Variants in MAOB observed in about 807,000 individuals in gnomAD.
MAOB encodes amine oxidase [flavin-containing] B.
Under a neutral mutation model 41.9 loss-of-function variants are expected in MAOB, and 15 were observed. That is an observed-to-expected ratio of 0.36 (90% CI 0.24 to 0.55). MAOB has a LOEUF of 0.55. Ranked by LOEUF, MAOB falls within the 20% of genes least tolerant of loss-of-function variation. The pLI, the probability that MAOB is intolerant of heterozygous loss-of-function variation, is 0.86. For synonymous variants in MAOB, 167 were observed against 144.2 expected (o/e 1.16, Z -1.13); for missense variants, 345 against 398.7 (o/e 0.87, Z 1.15).
chrX:43,856,574 G>T (rs916497587), intron 1 of MAOB, among the ~76,000 whole-genome samples: 2 of 111,767 alleles, frequency 1.8e-5, no homozygotes, highest in African/African-American at 6.5e-5. Flanking sequence ...CTCAATTACT[G>T]TTAGCCTACC....
chrX:43,847,035 A>C (rs745533631), intron 1 of MAOB, among the ~76,000 whole-genome samples: 116 of 112,435 alleles, frequency 1.0e-3, no homozygotes, highest in Non-Finnish European at 1.2e-3. Flanking sequence ...TGCAATTAAC[A>C]ATTTGTTTGT....
chrX:43,783,422 A>T (rs1181869276), intron 8 of MAOB, among the ~76,000 whole-genome samples: 9 of 111,858 alleles, frequency 8.0e-5, no homozygotes, highest in Non-Finnish European at 1.5e-4. Context: ...CACACCTCAA[A>T]GATAATGTGG....
intron 3 of MAOB, among the ~76,000 whole-genome samples, chrX:43,812,272 T>C (rs908836024): frequency 3.6e-5 from 4 of 112,654 alleles, no homozygotes; most frequent in African/African-American, 1.3e-4. Flanking sequence ...TGCTTCCAAA[T>C]GTTGGCTATT....
intron 3 of MAOB, among the ~76,000 whole-genome samples, chrX:43,813,086 G>A (rs2034768443): frequency 8.9e-6 from 1 of 112,161 alleles, no homozygotes; most frequent in Admixed American, 9.4e-5. Flanking sequence ...GAGGCATATA[G>A]AGATAAATAA....
intron 1 of MAOB, among the ~76,000 whole-genome samples, chrX:43,855,037 G>A (rs1043684776): frequency 4.7e-4 from 52 of 110,810 alleles, no homozygotes; most frequent in Admixed American, 8.6e-4. Flanking sequence ...GGCACAAGAA[G>A]TTCCATCCTG....
intron 1 of MAOB, among the ~76,000 whole-genome samples, chrX:43,867,144 T>C (rs191265877): frequency 1.1e-3 from 127 of 111,824 alleles, no homozygotes; most frequent in Non-Finnish European, 1.8e-3. Context: ...CAAGGAGATT[T>C]GGTAGGATCC....
chrX:43,802,365 A>G (rs1203091325), intron 4 of MAOB, 102 bp from the exon 5 acceptor site: 3 of 556,935 alleles, frequency 5.4e-6, no homozygotes, highest in Admixed American at 7.7e-5. Context: ...TTCAAATAGT[A>G]TTAAAAACTC....
chrX:43,865,700 T>C (rs1459552816), intron 1 of MAOB, among the ~76,000 whole-genome samples: 6 of 111,048 alleles, frequency 5.4e-5, no homozygotes, highest in Non-Finnish European at 1.1e-4. Flanking sequence ...GTATTGTCGA[T>C]GTTATACCCA....
intron 1 of MAOB, among the ~76,000 whole-genome samples, chrX:43,871,404 G>T (rs1198350492): frequency 9.1e-6 from 1 of 109,935 alleles, no homozygotes; most frequent in Non-Finnish European, 1.9e-5. Flanking sequence ...ATTTGAATTT[G>T]CTGGTTACCT....
At chrX:43,848,272 G>C (rs1255233356) in intron 1 of MAOB, among the ~76,000 whole-genome samples, 1 of 111,518 alleles carries the variant, frequency 9.0e-6, no homozygotes, top group East Asian at 2.8e-4. Flanking sequence ...GCTTGGCTTT[G>C]TCAATCTGTT....
chrX:43,787,223 G>T (rs1363730300), intron 8 of MAOB, among the ~76,000 whole-genome samples: 3 of 111,226 alleles, frequency 2.7e-5, no homozygotes, highest in Non-Finnish European at 5.7e-5. Context: ...TAACAAAGAG[G>T]CATGTTCAGA....
chrX:43,878,887 G>A (rs188159993), intron 1 of MAOB, among the ~76,000 whole-genome samples: 19 of 111,915 alleles, frequency 1.7e-4, no homozygotes, highest in Admixed American at 1.6e-3. Context: ...ACACTTCCAG[G>A]GATCTCAAAC....
intron 8 of MAOB, among the ~76,000 whole-genome samples, chrX:43,782,471 A>G (rs1275450397): frequency 9.0e-6 from 1 of 111,387 alleles, no homozygotes; most frequent in Non-Finnish European, 1.9e-5. Context: ...TAGAACAAGA[A>G]CAAGTTTTGA....
At chrX:43,791,335 T>C (rs2034459876) in intron 8 of MAOB, among the ~76,000 whole-genome samples, 1 of 111,026 alleles carries the variant, frequency 9.0e-6, no homozygotes. Flanking sequence ...CATCCCGCCC[T>C]TCACCCTCCG....
chrX:43,855,501 C>T (rs1055941850), intron 1 of MAOB, among the ~76,000 whole-genome samples: 1 of 110,840 alleles, frequency 9.0e-6, no homozygotes, highest in Non-Finnish European at 1.9e-5. Context: ...ATCATTGAAA[C>T]AGCAATGCAG....
At chrX:43,865,484 T>C (rs183104676) in intron 1 of MAOB, among the ~76,000 whole-genome samples, 3 of 111,901 alleles carry the variant, frequency 2.7e-5, no homozygotes, top group African/African-American at 6.5e-5. Flanking sequence ...AAAAATTACA[T>C]TGGGGTGATG....
intron 1 of MAOB, among the ~76,000 whole-genome samples, chrX:43,848,372 GGACTCTTTCCCA>G (rs1421688805): frequency 9.0e-6 from 1 of 111,274 alleles, no homozygotes; most frequent in East Asian, 2.8e-4. Flanking sequence ...TACTACATAA[GGACTCTTTCCCA>G]GTTTAAAGTT....
Position 43,766,824 on chromosome X carries a change from C to T in MAOB, c.*642G>A, listed in dbSNP as rs1027476031. 3 of 111,855 alleles carry T rather than the reference C, an allele frequency of 2.7e-5. No homozygotes were observed. Among genetic ancestry groups the T allele is most frequent in the Non-Finnish European group, 3.7e-5 (2 of 53,337 alleles). The allele number at this position is 111,855 out of a possible 1,213,427, so 9.2% of individuals were successfully genotyped here. On this transcript the variant is annotated 3_prime_UTR_variant, in exon 15 of 15. Coordinates refer to ENST00000378069, the MANE Select transcript of MAOB (RefSeq NM_000898.5). ...GACAACTTAGCACAGAGTAAACCCA[C>T]ACAACGGGACACCATCGGTAACTAT...
chrX:43,798,178 T>C (rs2034550755), intron 5 of MAOB, among the ~76,000 whole-genome samples: 1 of 111,921 alleles, frequency 8.9e-6, no homozygotes, highest in East Asian at 2.8e-4. Context: ...TCTTTTTAAT[T>C]GCTGTCTCCC....
Sources: gnomAD v4.1 joint callset for allele counts (sites outside exome capture counted in the v4.1 genomes callset) on GRCh38, gnomAD v4.1.1 for gene constraint, MANE v1.5 for transcripts, NCBI Gene and HGNC (gene_info 2026-07-23, HGNC 2026-07-21) for gene names.